SLC4A10: variants seen among roughly 807,000 people sequenced by gnomAD.
The protein encoded by SLC4A10 is solute carrier family 4 member 10, also known as sodium-driven chloride bicarbonate exchanger.
In SLC4A10, 42 loss-of-function variants were observed where a neutral mutation model predicts 137.7. That is an observed-to-expected ratio of 0.30 (90% CI 0.24 to 0.39). The LOEUF (loss-of-function observed/expected upper bound fraction) is 0.39, where lower values mean the gene tolerates loss of function less well. Ranked by LOEUF, SLC4A10 falls within the 10% of genes least tolerant of loss-of-function variation. The pLI, the probability that SLC4A10 is intolerant of heterozygous loss-of-function variation, is 1.00. For missense variants in SLC4A10, 925 were observed against 1,355.0 expected (o/e 0.68, Z 4.98); for synonymous variants, 474 against 464.1 (o/e 1.02, Z -0.27).
chr2:161,904,729 G>C, intron 13 of SLC4A10, 47 bp from the exon 14 acceptor site: 1 of 1,597,892 alleles, frequency 6.3e-7, no homozygotes, highest in Admixed American at 1.7e-5. Context: ...AGCTACAATG[G>C]CCTCCTGTAC....
intron 1 of SLC4A10, among the ~76,000 whole-genome samples, chr2:161,644,191 A>T (rs1230253312): frequency 6.6e-6 from 1 of 151,850 alleles, no homozygotes; most frequent in Non-Finnish European, 1.5e-5. Flanking sequence ...ATGGAAGATT[A>T]TGTTCCATAA....
chr2:161,861,491 T>G (rs1407809579), intron 5 of SLC4A10, among the ~76,000 whole-genome samples: 1 of 96,416 alleles, frequency 1.0e-5, no homozygotes, highest in Non-Finnish European at 2.3e-5. Context: ...CTAACTTTGA[T>G]CTTTCTATTA....
At position 161,872,289 on chromosome 2, in the gene SLC4A10, T is replaced by G; in HGVS notation, c.767-4T>G. The G allele has an allele frequency of 6.2e-7, 1 of 1,611,316 alleles. No individual in the cohort carries two copies. On this transcript the variant is annotated splice_polypyrimidine_tract_variant and splice_region_variant and intron_variant, in intron 6 of 26. Transcript: ENST00000446997. The stretch of plus-strand genomic sequence containing the variant: ...TTGTATTCTGTCACAACAATCTCTT[T>G]TAGCAGGTCAGGTTGTTTCTCCTCA...
chr2:161,840,715 C>A (rs1354661642), intron 4 of SLC4A10, among the ~76,000 whole-genome samples: 3 of 152,134 alleles, frequency 2.0e-5, no homozygotes, highest in African/African-American at 7.2e-5. Context: ...CAGGTGTGCA[C>A]AAGAAACTGT....
At chr2:161,664,077 A>G (rs2038760102) in intron 1 of SLC4A10, among the ~76,000 whole-genome samples, 1 of 151,964 alleles carries the variant, frequency 6.6e-6, no homozygotes, top group South Asian at 2.1e-4. Flanking sequence ...TTTAGGGAAT[A>G]TTTTTAATAG....
chr2:161,816,008 T>C (rs1029781517), intron 3 of SLC4A10, among the ~76,000 whole-genome samples: 15 of 152,192 alleles, frequency 9.9e-5, no homozygotes, highest in Non-Finnish European at 1.9e-4. Flanking sequence ...TTCACTTTTT[T>C]CAGTTTCTCT....
At chr2:161,864,874 T>C (rs539191395) in intron 6 of SLC4A10, among the ~76,000 whole-genome samples, 66 of 152,224 alleles carry the variant, frequency 4.3e-4, no homozygotes, top group African/African-American at 1.6e-3. Context: ...CTAGTATTTA[T>C]TTGGTATGGT....
At chr2:161,964,792 C>T (rs1697301684) in intron 22 of SLC4A10, among the ~76,000 whole-genome samples, 2 of 151,938 alleles carry the variant, frequency 1.3e-5, no homozygotes, top group Admixed American at 1.3e-4. Context: ...TAGTCAAATA[C>T]ATTTTATAGG....
At chr2:161,873,010 G>T (rs943331763) in intron 7 of SLC4A10, among the ~76,000 whole-genome samples, 2 of 152,190 alleles carry the variant, frequency 1.3e-5, no homozygotes, top group South Asian at 4.1e-4. Context: ...CACCCCGCCC[G>T]GCCAAGTTTA....
chr2:161,643,630 T>C (rs139424943), intron 1 of SLC4A10, among the ~76,000 whole-genome samples: 1 of 152,302 alleles, frequency 6.6e-6, no homozygotes, highest in East Asian at 1.9e-4. Flanking sequence ...AGGTTGAGTC[T>C]ACTAAGAGAG....
Position 161,777,073 on chromosome 2 carries a change from C to T in SLC4A10, c.130+6019C>T, listed in dbSNP as rs145922467. On this transcript the variant is annotated intron_variant, in intron 2 of 26. Transcript: ENST00000446997. ...AATAGGCAAGTGACTTGAATAGACA[C>T]TTAACCCTATCAAATTTTTAATTTA... is the stretch of plus-strand genomic sequence containing the variant. Among the ~76,000 whole-genome samples the T allele has an allele frequency of 2.6e-4, 40 of 151,062 alleles. No homozygotes were observed. The East Asian group carries it at 6.8e-3, about 26-fold the overall frequency.
intron 11 of SLC4A10, among the ~76,000 whole-genome samples, chr2:161,900,587 C>G (rs1682864692): frequency 6.6e-6 from 1 of 152,012 alleles, no homozygotes; most frequent in East Asian, 1.9e-4. Context: ...CCCACCTTTG[C>G]AGCTCTAGCA....
At chr2:161,971,715 G>A (rs980868166) in intron 23 of SLC4A10, among the ~76,000 whole-genome samples, 7 of 152,128 alleles carry the variant, frequency 4.6e-5, no homozygotes, top group African/African-American at 1.4e-4. Flanking sequence ...GGATGCAGCC[G>A]GCCCTCCATC....
intron 1 of SLC4A10, among the ~76,000 whole-genome samples, chr2:161,695,146 A>G (rs1377044897): frequency 6.6e-6 from 1 of 152,100 alleles, no homozygotes; most frequent in African/African-American, 2.4e-5. Context: ...ATACAGAGAA[A>G]TTAAGAATCT....
intron 3 of SLC4A10, among the ~76,000 whole-genome samples, chr2:161,822,749 C>T (rs1212156969): frequency 6.6e-6 from 1 of 152,094 alleles, no homozygotes; most frequent in Non-Finnish European, 1.5e-5. Flanking sequence ...CCTAGAAACA[C>T]AGATCACTTG....
intron 5 of SLC4A10, among the ~76,000 whole-genome samples, chr2:161,861,439 A>C (rs182581770): frequency 2.0e-5 from 3 of 152,316 alleles, no homozygotes; most frequent in Admixed American, 2.0e-4. Context: ...CTAGAGGAGG[A>C]GGAAGTTAAC....
rs1332821822 is a variant in SLC4A10, at chr2:161,841,627, G to T, written c.416+1700G>T. On this transcript the variant is annotated intron_variant, in intron 4 of 26. Transcript: ENST00000446997. Reference sequence around the variant, plus strand: ...AATAACAATGGCCCAGTTAATTCTTGTTTGATATATTTTCAGTGGTCTTTA... The same window carrying T: ...AATAACAATGGCCCAGTTAATTCTTTTTTGATATATTTTCAGTGGTCTTTA... Among the ~76,000 whole-genome samples, 4 of 152,066 alleles carry T rather than the reference G, an allele frequency of 2.6e-5. No individual in the cohort carries two copies. The East Asian group carries it at 7.7e-4, about 29-fold the overall frequency.
At position 161,648,887 on chromosome 2, in the gene SLC4A10, T is replaced by C. The variant is rs186601447; in HGVS notation, c.48+24321T>C. Among the ~76,000 whole-genome samples, 3 of 151,916 alleles carry C rather than the reference T, an allele frequency of 2.0e-5. No homozygotes were observed. The East Asian group carries it at 5.8e-4, about 29-fold the overall frequency. Reference sequence around the variant, plus strand: ...GGGCATTTAGGTCAGTTGTTTTTTATTTTTTTTCCTTTTATAAGTAATACC... The same window carrying C: ...GGGCATTTAGGTCAGTTGTTTTTTACTTTTTTTCCTTTTATAAGTAATACC... On this transcript the variant is annotated intron_variant, in intron 1 of 26. Transcript: ENST00000446997.
chr2:161,667,012 G>A (rs1473351668), intron 1 of SLC4A10, among the ~76,000 whole-genome samples: 1 of 151,620 alleles, frequency 6.6e-6, no homozygotes, highest in East Asian at 1.9e-4. Flanking sequence ...TTGAGCTGTT[G>A]AGGTTGGAAA....
Sources: allele counts gnomAD v4.1 joint callset (sites outside exome capture counted in the v4.1 genomes callset), GRCh38; gene constraint gnomAD v4.1.1; transcripts MANE v1.5; gene names NCBI Gene and HGNC (gene_info 2026-07-23, HGNC 2026-07-21).